The following SAE1 variants were observed in gnomAD, a reference collection of about 807,000 sequenced individuals.
SAE1 encodes SUMO-activating enzyme subunit 1.
A neutral mutation model predicts 40.6 loss-of-function variants in SAE1; 11 were observed. That is an observed-to-expected ratio of 0.27 (90% CI 0.17 to 0.45). The LOEUF is 0.45. Among genes scored for constraint, SAE1 ranks in the 20% least tolerant of loss-of-function variants. SAE1 has a pLI of 1.00. For synonymous variants in SAE1, 155 were observed against 154.3 expected, an observed-to-expected ratio of 1.00 and a Z score of -0.03; for missense variants, 373 against 427.3, an observed-to-expected ratio of 0.87 and a Z score of 1.12.
intron 6 of SAE1, among the ~76,000 whole-genome samples, chr19:47,191,946 CG>C: frequency 6.6e-6 from 1 of 151,066 alleles, no homozygotes; most frequent in African/African-American, 2.4e-5. Context: ...CCCAGCTACT[CG>C]GGAGGCTGAG....
chr19:47,204,398 CTG>C (rs2058673799), intron 8 of SAE1, among the ~76,000 whole-genome samples: 1 of 151,050 alleles, frequency 6.6e-6, no homozygotes, highest in African/African-American at 2.4e-5. Flanking sequence ...CAGGGTTTCA[CTG>C]TGTTAGCCAG....
chr19:47,159,550 CTT>C (rs769129980), intron 5 of SAE1, among the ~76,000 whole-genome samples: 12 of 142,772 alleles, frequency 8.4e-5, no homozygotes, highest in Admixed American at 1.4e-4. Flanking sequence ...TATTTTCTTC[CTT>C]TTTTTTTTTT....
At chr19:47,134,866 G>A (rs2058168631) in intron 1 of SAE1, among the ~76,000 whole-genome samples, 1 of 152,098 alleles carries the variant, frequency 6.6e-6, no homozygotes, top group African/African-American at 2.4e-5. Context: ...ATTATTCTGA[G>A]GGAGTGGAGC....
intron 7 of SAE1, among the ~76,000 whole-genome samples, 171 bp downstream of exon 7, chr19:47,197,548 TAA>T (rs2058624027): frequency 6.6e-6 from 1 of 152,136 alleles, no homozygotes; most frequent in African/African-American, 2.4e-5. Context: ...ATATAAAAAA[TAA>T]AGAGGGGACA....
intron 1 of SAE1, among the ~76,000 whole-genome samples, chr19:47,131,892 G>T (rs1262409225): frequency 1.3e-5 from 2 of 151,614 alleles, no homozygotes; most frequent in Non-Finnish European, 2.9e-5. Flanking sequence ...GTAGACACGG[G>T]GTTTCGCCAT....
At chr19:47,199,112 C>T (rs1183078259) in intron 7 of SAE1, among the ~76,000 whole-genome samples, 2 of 149,814 alleles carry the variant, frequency 1.3e-5, no homozygotes, top group African/African-American at 4.9e-5. Context: ...TAAGGCTGGG[C>T]GCGGTGGCTC....
At chr19:47,179,816 A>T (rs1354442881) in intron 6 of SAE1, among the ~76,000 whole-genome samples, 3 of 152,154 alleles carry the variant, frequency 2.0e-5, no homozygotes, top group Admixed American at 2.0e-4. Context: ...CCTCCTGCCC[A>T]AAGTGTTGGG....
chr19:47,150,496 C>A, intron 3 of SAE1, 121 bp downstream of exon 3: 1 of 778,960 alleles, frequency 1.3e-6, no homozygotes, highest in Admixed American at 2.8e-5. Flanking sequence ...AGCTTTTTCC[C>A]AAGAAAATGT....
In SAE1 at chr19:47,135,299, A is replaced by G. The variant is rs139799872; in HGVS notation, c.98+4271A>G. ...TGTATTTAATTATATTTTTGTATCC[A>G]TTAGTCATCCCTCCTTCCCCTCCAC... is the stretch of plus-strand genomic sequence containing the variant. On this transcript the variant is annotated intron_variant, in intron 1 of 8. Transcript: ENST00000270225. Among the ~76,000 whole-genome samples, 615 of 152,212 alleles carry G rather than the reference A, an allele frequency of 4.0e-3. 5 individuals are homozygous for G. The highest frequency in any genetic ancestry group is 0.014 in the African/African-American group (566 of 41,514).
At chr19:47,200,399 A>ATTTTTTTTTTTTTT (rs35657499) in intron 7 of SAE1, among the ~76,000 whole-genome samples, 3 of 102,558 alleles carry the variant, frequency 2.9e-5, no homozygotes, top group African/African-American at 8.4e-5. Flanking sequence ...AGCCTGCCTA[A>ATTTTTTTTTTTTTT]TTTTTTTTTT....
intron 5 of SAE1, among the ~76,000 whole-genome samples, chr19:47,165,551 A>C (rs961609416): frequency 6.6e-6 from 1 of 152,160 alleles, no homozygotes; most frequent in Non-Finnish European, 1.5e-5. Flanking sequence ...TCAGGGGTTC[A>C]TTCCAGTGGA....
chr19:47,191,638 G>C (rs1032746525), intron 6 of SAE1, among the ~76,000 whole-genome samples: 1 of 152,190 alleles, frequency 6.6e-6, no homozygotes, highest in Non-Finnish European at 1.5e-5. Flanking sequence ...GATGACTCTT[G>C]TGCGATCTTA....
intron 5 of SAE1, among the ~76,000 whole-genome samples, chr19:47,156,895 G>A (rs1047079731): frequency 2.2e-4 from 33 of 152,304 alleles, no homozygotes; most frequent in African/African-American, 7.5e-4. Flanking sequence ...GGAACCATGC[G>A]ATGGGGAAAG....
chr19:47,186,935 T>C (rs1390434835), intron 6 of SAE1, among the ~76,000 whole-genome samples: 1 of 152,168 alleles, frequency 6.6e-6, no homozygotes, highest in Non-Finnish European at 1.5e-5. Context: ...CTCTAGAGAC[T>C]GTGAGCTCCG....
In SAE1 at chr19:47,166,068, C is replaced by A. The variant is rs143736412; in HGVS notation, c.628-3750C>A. Among the ~76,000 whole-genome samples, 654 of 152,270 alleles carry A rather than the reference C, an allele frequency of 4.3e-3. 2 individuals carry two copies. The highest frequency in any genetic ancestry group is 4.1e-3 in the Non-Finnish European group (280 of 68,020). ...TCTGGATACCTGGGACCCCTGAAAT[C>A]TCCTGCCCAGACAACCCCAAGCTTC... On this transcript the variant is annotated intron_variant, in intron 5 of 8. Coordinates refer to ENST00000270225, the MANE Select transcript of SAE1 (RefSeq NM_005500.3).
chr19:47,139,454 G>T (rs887967772), intron 1 of SAE1, among the ~76,000 whole-genome samples: 1 of 152,130 alleles, frequency 6.6e-6, no homozygotes, highest in African/African-American at 2.4e-5. Context: ...CTAAAGTGCT[G>T]GGATTACAGG....
intron 1 of SAE1, among the ~76,000 whole-genome samples, chr19:47,134,138 G>A (rs374853337): frequency 3.9e-5 from 6 of 152,256 alleles, no homozygotes; most frequent in African/African-American, 9.6e-5. Flanking sequence ...TGGGATTACA[G>A]GTGTGAGCCA....
At chr19:47,186,507 G>A (rs307901) in intron 6 of SAE1, among the ~76,000 whole-genome samples, 9,639 of 152,150 alleles carry the variant, frequency 0.063, 934 homozygotes, top group African/African-American at 0.22. Flanking sequence ...GAGCATTCGT[G>A]CTCCCCTCTG....
intron 6 of SAE1, among the ~76,000 whole-genome samples, chr19:47,195,658 C>T (rs763747757): frequency 6.6e-6 from 1 of 151,216 alleles, no homozygotes; most frequent in Non-Finnish European, 1.5e-5. Flanking sequence ...CTTCTAGGTC[C>T]CTTCCCCTTT....
Sources: allele counts gnomAD v4.1 joint callset (sites outside exome capture counted in the v4.1 genomes callset), GRCh38; gene constraint gnomAD v4.1.1; transcripts MANE v1.5; gene names NCBI Gene and HGNC (gene_info 2026-07-23, HGNC 2026-07-21).